The following PDXDC1 variants were observed in gnomAD, a reference collection of about 807,000 sequenced individuals.
The protein encoded by PDXDC1 is pyridoxal dependent decarboxylase domain containing 1, also known as pyridoxal-dependent decarboxylase domain-containing protein 1.
Under a neutral mutation model 100.1 loss-of-function variants are expected in PDXDC1, and 42 were observed. The observed-to-expected ratio is 0.42, with a 90% CI of 0.33 to 0.54. The LOEUF is 0.54. Among genes scored for constraint, PDXDC1 ranks in the 20% least tolerant of loss-of-function variants. The pLI is 0.10. For missense variants in PDXDC1, 636 were observed against 979.2 expected, an observed-to-expected ratio of 0.65 and a Z score of 4.68; for synonymous variants, 260 against 371.7, an observed-to-expected ratio of 0.70 and a Z score of 3.46.
the PDXDC1 span, among the ~76,000 whole-genome samples, chr16:15,151,747 T>C: frequency 1.8e-5 from 2 of 113,884 alleles, no homozygotes; most frequent in Non-Finnish European, 4.1e-5. Context: ...GCCTGACCAA[T>C]ATGGAGAAAC....
chr16:15,136,371 G>A (rs1464479806), intron 16 of PDXDC1, among the ~76,000 whole-genome samples: 2 of 152,150 alleles, frequency 1.3e-5, no homozygotes, highest in African/African-American at 2.4e-5. Flanking sequence ...AGGAGTGTCC[G>A]GAGGCTGCCC....
intron 1 of PDXDC1, among the ~76,000 whole-genome samples, chr16:14,986,367 G>T (rs553504136): frequency 6.6e-6 from 1 of 152,390 alleles, no homozygotes; most frequent in African/African-American, 2.4e-5. Context: ...TACTCAGGAG[G>T]CTGAGGCAGC....
At chr16:15,054,796 G>GC (rs1346206528) in intron 16 of PDXDC1, among the ~76,000 whole-genome samples, 1 of 152,142 alleles carries the variant, frequency 6.6e-6, no homozygotes, top group Non-Finnish European at 1.5e-5. Context: ...ACTCTTATCT[G>GC]CCTTCAGGAG....
chr16:15,012,559 A>G (rs1442668817), intron 8 of PDXDC1, among the ~76,000 whole-genome samples: 1 of 152,218 alleles, frequency 6.6e-6, no homozygotes, highest in African/African-American at 2.4e-5. Context: ...GTCTGTTAGA[A>G]TGGAGAAATT....
At chr16:15,099,002 G>A (rs2046450335) in intron 16 of PDXDC1, among the ~76,000 whole-genome samples, 1 of 152,224 alleles carries the variant, frequency 6.6e-6, no homozygotes, top group African/African-American at 2.4e-5. Context: ...TTTGAAGGCT[G>A]TGCCAATGTA....
chr16:14,980,740 C>T (rs1396219865), intron 1 of PDXDC1, among the ~76,000 whole-genome samples: 1 of 152,270 alleles, frequency 6.6e-6, no homozygotes, highest in African/African-American at 2.4e-5. Context: ...TCTGGGATTA[C>T]AGGCATGAGC....
downstream of PDXDC1, among the ~76,000 whole-genome samples, chr16:15,039,103 T>C (rs1156275003): frequency 6.6e-6 from 1 of 152,200 alleles, no homozygotes; most frequent in African/African-American, 2.4e-5. Context: ...TTTAAAAGCA[T>C]ACAGTGCCTG....
chr16:15,102,353 T>G (rs905547683), intron 16 of PDXDC1, among the ~76,000 whole-genome samples: 1 of 152,014 alleles, frequency 6.6e-6, no homozygotes, highest in Admixed American at 6.6e-5. Context: ...TACGAGAGGG[T>G]GTAGCCTGGT....
intron 16 of PDXDC1, among the ~76,000 whole-genome samples, chr16:15,078,079 A>AT (rs2045542554): frequency 6.6e-6 from 1 of 152,162 alleles, no homozygotes; most frequent in Non-Finnish European, 1.5e-5. Context: ...AAACCATGCC[A>AT]TTTTTTATTA....
intron 3 of PDXDC1, among the ~76,000 whole-genome samples, chr16:15,000,626 C>T (rs892402258): frequency 1.3e-5 from 2 of 152,294 alleles, no homozygotes; most frequent in Non-Finnish European, 2.9e-5. Context: ...CTACTTCAGC[C>T]GTTCGAATTC....
At chr16:15,126,268 C>A (rs200841956) in intron 16 of PDXDC1, among the ~76,000 whole-genome samples, 91,166 of 134,734 alleles carry the variant, frequency 0.68, 33,107 homozygotes, top group Admixed American at 0.81. Context: ...AACTCCTGAC[C>A]TCAAGTGATC....
chr16:15,094,281 C>T, intron 16 of PDXDC1: 3 of 1,431,450 alleles, frequency 2.1e-6, no homozygotes, highest in East Asian at 2.5e-5. Context: ...ATGCCCAGCT[C>T]CTTCCAGCCA....
rs2042738209 is a variant in PDXDC1, at chr16:15,027,886, T to TCCTCACCTA, written c.1205-992_1205-991insCCTCACCTA. On this transcript the variant is annotated intron_variant, in intron 14 of 22. Transcript: ENST00000396410. The stretch of plus-strand genomic sequence containing the variant: ...TGCAACATTTGGGGGAAGGCAGGAG[T>TCCTCACCTA]GCTTGTCCTCACCTAGGTCCGTGGG... 1.5e-4 allele frequency among the ~76,000 whole-genome samples: 23 copies of TCCTCACCTA among 152,390 alleles called. No individual in the cohort carries two copies. In the South Asian group the frequency reaches 4.8e-3, roughly 32 times the overall value.
chr16:14,988,316 C>T (rs1339861588), intron 1 of PDXDC1: 1 of 1,613,856 alleles, frequency 6.2e-7, no homozygotes, highest in Non-Finnish European at 8.5e-7. Flanking sequence ...GCCCACAGTA[C>T]TCGTTGTAGA....
At chr16:15,143,136 C>A (rs1453239839), downstream of PDXDC1, among the ~76,000 whole-genome samples, 2 of 152,154 alleles carry the variant, frequency 1.3e-5, no homozygotes, top group Non-Finnish European at 2.9e-5. Flanking sequence ...CAAGGGGCCC[C>A]CAGCGCCGAG....
At chr16:14,984,799 T>C (rs1248342636) in intron 1 of PDXDC1, among the ~76,000 whole-genome samples, 3 of 152,188 alleles carry the variant, frequency 2.0e-5, no homozygotes, top group Non-Finnish European at 4.4e-5. Context: ...GCCAAATGTA[T>C]AATTTTTTAA....
At chr16:15,040,023 T>G, downstream of PDXDC1, 1 of 1,612,244 alleles carries the variant, frequency 6.2e-7, no homozygotes, top group Admixed American at 1.7e-5. Flanking sequence ...GACCCCGATC[T>G]TGAAAGGATG....
At chr16:14,985,905 C>T (rs1969253176) in intron 1 of PDXDC1, among the ~76,000 whole-genome samples, 1 of 152,036 alleles carries the variant, frequency 6.6e-6, no homozygotes, top group Admixed American at 6.5e-5. Context: ...TTGAGATCAG[C>T]CTGGGTGACA....
chr16:15,080,335 A>C (rs1249798180), intron 16 of PDXDC1, among the ~76,000 whole-genome samples: 1 of 152,222 alleles, frequency 6.6e-6, no homozygotes, highest in Non-Finnish European at 1.5e-5. Flanking sequence ...AAGTAGCTGT[A>C]TTGATAAAAC....
Sources: allele counts gnomAD v4.1 joint callset (sites outside exome capture counted in the v4.1 genomes callset), GRCh38; gene constraint gnomAD v4.1.1; transcripts MANE v1.5; gene names NCBI Gene and HGNC (gene_info 2026-07-23, HGNC 2026-07-21).